The following NAALADL2 variants were observed in gnomAD, a reference collection of about 807,000 sequenced individuals.
The protein encoded by NAALADL2 is inactive N-acetylated-alpha-linked acidic dipeptidase-like protein 2.
A neutral mutation model predicts 87.2 loss-of-function variants in NAALADL2; 76 were observed. That is an observed-to-expected ratio of 0.87 (90% CI 0.72 to 1.05). The LOEUF is 1.05. NAALADL2 is among the 50% of genes least tolerant of loss of function. NAALADL2 has a pLI of 0.00. For synonymous variants in NAALADL2, 354 were observed against 331.0 expected, an observed-to-expected ratio of 1.07 and a Z score of -0.75; for missense variants, 1,089 against 945.8, an observed-to-expected ratio of 1.15 and a Z score of -1.99.
chr3:174,782,458 A>G (rs1040295216), intron 3 of NAALADL2, among the ~76,000 whole-genome samples: 3 of 123,590 alleles, frequency 2.4e-5, no homozygotes, highest in Admixed American at 7.9e-5. Context: ...AAATGATACA[A>G]CAAGATGAAA....
intron 3 of NAALADL2, 65 bp downstream of exon 3, chr3:175,234,269 T>C: frequency 6.7e-7 from 1 of 1,488,530 alleles, no homozygotes; most frequent in Non-Finnish European, 9.2e-7. Context: ...AGCTTTCATC[T>C]AAATTGAACT....
chr3:175,692,905 C>G (rs990002816), intron 11 of NAALADL2, among the ~76,000 whole-genome samples: 1 of 152,090 alleles, frequency 6.6e-6, no homozygotes, highest in South Asian at 2.1e-4. Context: ...CATAATTACT[C>G]TGATATCAAT....
chr3:175,524,795 C>T (rs1733155281), intron 9 of NAALADL2, among the ~76,000 whole-genome samples: 1 of 152,038 alleles, frequency 6.6e-6, no homozygotes, highest in Admixed American at 6.6e-5. Context: ...AGCTTGTTAA[C>T]AAGTGAGACA....
intron 2 of NAALADL2, among the ~76,000 whole-genome samples, chr3:175,163,840 A>T (rs1177659309): frequency 6.6e-6 from 1 of 152,214 alleles, no homozygotes; most frequent in Non-Finnish European, 1.5e-5. Context: ...CTGGGGAAGA[A>T]AATTCAATGA....
chr3:175,238,564 C>A (rs1197377475), intron 3 of NAALADL2, among the ~76,000 whole-genome samples: 1 of 151,954 alleles, frequency 6.6e-6, no homozygotes, highest in African/African-American at 2.4e-5. Flanking sequence ...ATCAAGAAAG[C>A]ACATGCTATT....
At chr3:174,989,083 T>A (rs1457729495) in intron 1 of NAALADL2, among the ~76,000 whole-genome samples, 1 of 152,114 alleles carries the variant, frequency 6.6e-6, no homozygotes, top group Non-Finnish European at 1.5e-5. Flanking sequence ...AGATACCCTG[T>A]TCTTTTTAAG....
chr3:175,466,336 C>T (rs1366951317), intron 7 of NAALADL2, among the ~76,000 whole-genome samples: 1 of 152,160 alleles, frequency 6.6e-6, no homozygotes, highest in Admixed American at 6.5e-5. Flanking sequence ...GTACATTGAA[C>T]AGCTACTTCC....
chr3:175,255,985 A>G (rs1749871476), intron 3 of NAALADL2, among the ~76,000 whole-genome samples: 1 of 152,234 alleles, frequency 6.6e-6, no homozygotes, highest in South Asian at 2.1e-4. Flanking sequence ...AGGACATTGC[A>G]CTTAATTTGG....
At chr3:174,886,475 G>C (rs1730165362) in intron 1 of NAALADL2, among the ~76,000 whole-genome samples, 1 of 152,038 alleles carries the variant, frequency 6.6e-6, no homozygotes, top group Non-Finnish European at 1.5e-5. Context: ...ACAATACTTT[G>C]TATCCTTCAA....
intron 11 of NAALADL2, among the ~76,000 whole-genome samples, chr3:175,660,396 T>C (rs1732094670): frequency 6.6e-6 from 1 of 152,154 alleles, no homozygotes; most frequent in Admixed American, 6.6e-5. Context: ...GTCACAATAG[T>C]ACATATTCTG....
chr3:175,769,764 CTG>C (rs1749235060), intron 13 of NAALADL2, among the ~76,000 whole-genome samples: 1 of 151,448 alleles, frequency 6.6e-6, no homozygotes, highest in Non-Finnish European at 1.5e-5. Flanking sequence ...CTGTGTGTGT[CTG>C]TGTGTAATTT....
chr3:175,280,611 C>T (rs926530246), intron 4 of NAALADL2, among the ~76,000 whole-genome samples: 2 of 152,074 alleles, frequency 1.3e-5, no homozygotes, highest in Non-Finnish European at 2.9e-5. Flanking sequence ...ATTATGATCA[C>T]TTGCTTCGGA....
chr3:174,848,050 A>G (rs758128870), intron 3 of NAALADL2, among the ~76,000 whole-genome samples: 1 of 146,996 alleles, frequency 6.8e-6, no homozygotes. Context: ...TTTTCTCTAC[A>G]TGATATCCAT....
intron 1 of NAALADL2, among the ~76,000 whole-genome samples, chr3:174,888,097 C>T (rs1282032714): frequency 6.6e-6 from 1 of 152,052 alleles, no homozygotes; most frequent in Non-Finnish European, 1.5e-5. Flanking sequence ...AATAAGCCAG[C>T]AATGTGAGGA....
At chr3:174,718,659 T>C (rs994129441) in intron 2 of NAALADL2, among the ~76,000 whole-genome samples, 2 of 152,166 alleles carry the variant, frequency 1.3e-5, no homozygotes, top group Admixed American at 1.3e-4. Context: ...TTAAGCAACT[T>C]ACCTAAGTTT....
chr3:175,575,249 G>A (rs1361767505), intron 9 of NAALADL2, among the ~76,000 whole-genome samples: 1 of 152,024 alleles, frequency 6.6e-6, no homozygotes, highest in African/African-American at 2.4e-5. Context: ...AATGAAGAAA[G>A]TTTCTTCTCT....
At chr3:175,395,924 TC>T (rs1437849730) in intron 5 of NAALADL2, among the ~76,000 whole-genome samples, 1 of 152,198 alleles carries the variant, frequency 6.6e-6, no homozygotes, top group Non-Finnish European at 1.5e-5. Flanking sequence ...CTCTTCTAGT[TC>T]CTTTGTTACT....
chr3:174,902,479 A>G (rs901627490), intron 1 of NAALADL2, among the ~76,000 whole-genome samples: 2 of 152,134 alleles, frequency 1.3e-5, no homozygotes, highest in Admixed American at 1.3e-4. Context: ...GCAACTAATC[A>G]TTTGAATTCA....
intron 2 of NAALADL2, among the ~76,000 whole-genome samples, chr3:175,219,318 A>T (rs1742995881): frequency 6.6e-6 from 1 of 152,022 alleles, no homozygotes; most frequent in Non-Finnish European, 1.5e-5. Context: ...TCAAATGGTT[A>T]TTGTTCATAT....
Sources: allele counts gnomAD v4.1 joint callset (sites outside exome capture counted in the v4.1 genomes callset), GRCh38; gene constraint gnomAD v4.1.1; transcripts MANE v1.5; gene names NCBI Gene and HGNC (gene_info 2026-07-23, HGNC 2026-07-21).